The following PADI3 variants were observed in gnomAD, a reference collection of about 807,000 sequenced individuals.
PADI3 encodes peptidyl arginine deiminase 3.
Under a neutral mutation model 71.5 loss-of-function variants are expected in PADI3, and 53 were observed. That is an observed-to-expected ratio of 0.74 (90% confidence interval 0.59 to 0.93). The LOEUF (loss-of-function observed/expected upper bound fraction) is 0.93. Among genes scored for constraint, PADI3 ranks in the 40% least tolerant of loss-of-function variants. PADI3 has a pLI of 0.00. For missense variants in PADI3, 821 were observed against 868.0 expected, an observed-to-expected ratio of 0.95 and a Z score of 0.68; for synonymous variants, 361 against 347.5, an observed-to-expected ratio of 1.04 and a Z score of -0.43.
chr1:17,281,614 G>A (rs755034958), intron 15 of PADI3, among the ~76,000 whole-genome samples: 7 of 152,010 alleles, frequency 4.6e-5, no homozygotes, highest in East Asian at 3.9e-4. Flanking sequence ...CACCACGCCC[G>A]GCTAATTTCT....
chr1:17,257,934 G>T (rs1489608883), intron 1 of PADI3, among the ~76,000 whole-genome samples: 1 of 152,158 alleles, frequency 6.6e-6, no homozygotes, highest in Non-Finnish European at 1.5e-5. Context: ...CAGAGGCTGG[G>T]GGCTTTTTAT....
chr1:17,271,684 A>C (rs1232967999), intron 9 of PADI3, among the ~76,000 whole-genome samples: 1 of 151,784 alleles, frequency 6.6e-6, no homozygotes, highest in Non-Finnish European at 1.5e-5. Flanking sequence ...CTGTCTCTGC[A>C]AAAAAGTTAA....
chr1:17,249,303 G>T (rs2072937818), intron 1 of PADI3, 74 bp downstream of exon 1: 1 of 1,278,080 alleles, frequency 7.8e-7, no homozygotes. Flanking sequence ...TGCAGGCTGG[G>T]CAGGGCTTCT....
intron 4 of PADI3, 137 bp from the exon 5 acceptor site, chr1:17,266,582 C>A: frequency 1.4e-6 from 1 of 717,778 alleles, no homozygotes; most frequent in Non-Finnish European, 2.5e-6. Flanking sequence ...ATTGACATGT[C>A]TTGAGAAGGA....
At chr1:17,254,425 A>G (rs1210366114) in intron 1 of PADI3, among the ~76,000 whole-genome samples, 3 of 152,182 alleles carry the variant, frequency 2.0e-5, no homozygotes, top group African/African-American at 7.2e-5. Flanking sequence ...CCCTGAGTCC[A>G]TGAAGGGAGA....
intron 2 of PADI3, among the ~76,000 whole-genome samples, chr1:17,261,682 G>A (rs1557501667): frequency 1.3e-5 from 2 of 152,356 alleles, no homozygotes; most frequent in East Asian, 1.9e-4. Context: ...TTCCCATTTT[G>A]CAGAGGAGAA....
At chr1:17,270,845 C>A in intron 7 of PADI3, 34 bp from the exon 8 acceptor site, 1 of 1,515,480 alleles carries the variant, frequency 6.6e-7, no homozygotes, top group South Asian at 1.1e-5. Context: ...GACTCCAAGT[C>A]CAGTGCTCTT....
At chr1:17,272,238 G>A (rs981696698) in intron 9 of PADI3, among the ~76,000 whole-genome samples, 4 of 152,154 alleles carry the variant, frequency 2.6e-5, no homozygotes, top group African/African-American at 9.7e-5. Context: ...AAAGGCCCGG[G>A]GGTGGGAGGC....
At chr1:17,265,790 G>GGCCGGGCGCGGTGGCTCACGCCTGT in intron 4 of PADI3, 70 bp downstream of exon 4, 1 of 1,390,480 alleles carries the variant, frequency 7.2e-7, no homozygotes, top group Non-Finnish European at 1.0e-6. Flanking sequence ...GGTTAAGAAG[G>GGCCGGGCGCGGTGGCTCACGCCTGT]ATGAGGCCAT....
intron 5 of PADI3, among the ~76,000 whole-genome samples, chr1:17,267,493 T>C (rs996638511): frequency 6.6e-6 from 1 of 152,114 alleles, no homozygotes; most frequent in Non-Finnish European, 1.5e-5. Flanking sequence ...GAGGGGCTTG[T>C]CCAGGGTCAC....
intron 4 of PADI3, among the ~76,000 whole-genome samples, chr1:17,266,087 C>T (rs2073164289): frequency 6.6e-6 from 1 of 152,178 alleles, no homozygotes; most frequent in Non-Finnish European, 1.5e-5. Flanking sequence ...GTGAAAGCAG[C>T]CACAGTTAAT....
chr1:17,274,850 G>A, intron 11 of PADI3, 64 bp downstream of exon 11: 1 of 1,507,640 alleles, frequency 6.6e-7, no homozygotes. Flanking sequence ...TGGTGATGAT[G>A]GTGGAGCAGG....
chr1:17,271,231 G>T, intron 9 of PADI3, 53 bp downstream of exon 9: 1 of 1,466,046 alleles, frequency 6.8e-7, no homozygotes, highest in South Asian at 1.2e-5. Context: ...TGGAGAGAGA[G>T]GCCTTCATTT....
At chr1:17,276,443 C>T in intron 11 of PADI3, 76 bp from the exon 12 acceptor site, 1 of 1,497,448 alleles carries the variant, frequency 6.7e-7, no homozygotes, top group Non-Finnish European at 9.2e-7. Flanking sequence ...TGCAGGAATG[C>T]TAAACTCTTG....
chr1:17,250,567 C>T (rs996554870), intron 1 of PADI3, among the ~76,000 whole-genome samples: 4 of 152,192 alleles, frequency 2.6e-5, no homozygotes, highest in East Asian at 3.9e-4. Flanking sequence ...GGAACCAAGT[C>T]GGGAGCAGAG....
chr1:17,278,822 C>G (rs1304328935), intron 13 of PADI3, among the ~76,000 whole-genome samples: 1 of 152,130 alleles, frequency 6.6e-6, no homozygotes, highest in African/African-American at 2.4e-5. Context: ...AGAAAAAAAG[C>G]TCCTGTAGAA....
chr1:17,261,653 C>T (rs1041560783), intron 2 of PADI3, among the ~76,000 whole-genome samples: 1 of 152,186 alleles, frequency 6.6e-6, no homozygotes, highest in African/African-American at 2.4e-5. Context: ...AGGTAGAGAC[C>T]TATAGAGGTA....
chr1:17,257,717 G>A (rs2100561326), intron 1 of PADI3, among the ~76,000 whole-genome samples: 1 of 152,376 alleles, frequency 6.6e-6, no homozygotes, highest in Middle Eastern at 3.4e-3. Context: ...TGAAGAGGTT[G>A]TTTTGGGGGA....
chr1:17,252,927 G>A (rs3003423), intron 1 of PADI3, among the ~76,000 whole-genome samples: 5,912 of 152,282 alleles, frequency 0.039, 179 homozygotes, highest in East Asian at 0.11. Context: ...TTCATCACAG[G>A]TGGGCTTGGA....
Sources: allele counts gnomAD v4.1 joint callset (sites outside exome capture counted in the v4.1 genomes callset), GRCh38; gene constraint gnomAD v4.1.1; transcripts MANE v1.5; gene names NCBI Gene and HGNC (gene_info 2026-07-23, HGNC 2026-07-21).